MORN5: variants seen among roughly 807,000 people sequenced by gnomAD.
The protein encoded by MORN5 is MORN repeat-containing protein 5.
Under a neutral mutation model 22.1 loss-of-function variants are expected in MORN5, and 21 were observed. That is an observed-to-expected ratio of 0.95 (90% confidence interval 0.67 to 1.37). MORN5 has a LOEUF of 1.37. MORN5 is among the 40% of genes most tolerant of loss of function. The pLI, the probability that MORN5 is intolerant of heterozygous loss-of-function variation, is 0.00. For synonymous variants in MORN5, 73 were observed against 74.0 expected (o/e 0.99, Z 0.07); for missense variants, 211 against 215.1 (o/e 0.98, Z 0.12).
In MORN5 at chr9:122,175,484, C is replaced by A. The variant is rs1035678372; in HGVS notation, c.439+857C>A. ...AATAATAGAACATTTTCCTTTAATGCAGTGATTCCTAAACTTATCCTTTTC... is the reference window on the plus strand; with the variant it reads ...AATAATAGAACATTTTCCTTTAATGAAGTGATTCCTAAACTTATCCTTTTC... On this transcript the variant is annotated intron_variant, in intron 4 of 4. Coordinates refer to ENST00000373764, the MANE Select transcript of MORN5 (RefSeq NM_198469.4). 5 of 985,278 alleles carry A rather than the reference C, an allele frequency of 5.1e-6. No homozygotes were observed. The African/African-American group carries it at 8.7e-5, about 17-fold the overall frequency. The allele number at this position is 985,278 out of a possible 1,614,324, so 61.0% of individuals were successfully genotyped here.
rs201106696 is a variant in MORN5, at chr9:122,160,525, G to GT, written c.47+515dup. ...ACTAGTAGTAAAAAACAATTCAACAGTTTTTTTTTCTTTTCTTTTCCTTCC... is the reference window on the plus strand; with the variant it reads ...ACTAGTAGTAAAAAACAATTCAACAGTTTTTTTTTTCTTTTCTTTTCCTTCC... On this transcript the variant is annotated intron_variant, in intron 1 of 4. Coordinates refer to ENST00000373764, the MANE Select transcript of MORN5 (RefSeq NM_198469.4). Among the ~76,000 whole-genome samples the GT allele has an allele frequency of 4.4e-3, 668 of 151,196 alleles. 6 individuals carry two copies. Among genetic ancestry groups the GT allele is most frequent in the African/African-American group, 0.013 (546 of 41,174 alleles).
At chr9:122,170,038 CTGTAA>C (rs1829343425) in intron 3 of MORN5, among the ~76,000 whole-genome samples, 1 of 152,212 alleles carries the variant, frequency 6.6e-6, no homozygotes, top group Non-Finnish European at 1.5e-5. Context: ...GTGACTATGC[CTGTAA>C]TCCCAGCACT....
At chr9:122,177,130 G>T (rs1450964482) in intron 4 of MORN5, among the ~76,000 whole-genome samples, 1 of 152,242 alleles carries the variant, frequency 6.6e-6, no homozygotes, top group Non-Finnish European at 1.5e-5. Context: ...GGAGCTCAGA[G>T]CAGGGCTTCT....
At chr9:122,165,007 T>A (rs1829254058) in intron 1 of MORN5, among the ~76,000 whole-genome samples, 1 of 152,200 alleles carries the variant, frequency 6.6e-6, no homozygotes, top group Admixed American at 6.5e-5. Context: ...AGTCTTCCTT[T>A]AAAGAAGCTT....
intron 4 of MORN5, among the ~76,000 whole-genome samples, chr9:122,188,562 G>A (rs1020615993): frequency 6.6e-6 from 1 of 152,234 alleles, no homozygotes; most frequent in Admixed American, 6.5e-5. Context: ...CAGGGATTAG[G>A]GGCCAAAAGA....
At chr9:122,170,330 A>G (rs1829348518) in intron 3 of MORN5, among the ~76,000 whole-genome samples, 1 of 152,066 alleles carries the variant, frequency 6.6e-6, no homozygotes, top group African/African-American at 2.4e-5. Context: ...AATGGGGTCA[A>G]TAGCATCATC....
intron 3 of MORN5, among the ~76,000 whole-genome samples, chr9:122,173,449 C>A (rs1472972928): frequency 6.6e-6 from 1 of 152,150 alleles, no homozygotes; most frequent in Non-Finnish European, 1.5e-5. Context: ...GGTTTAGGAT[C>A]AGGGTCAGTG....
intron 3 of MORN5, among the ~76,000 whole-genome samples, chr9:122,169,961 G>A (rs766536398): frequency 6.6e-6 from 1 of 152,152 alleles, no homozygotes; most frequent in African/African-American, 2.4e-5. Flanking sequence ...GAGGACCATG[G>A]GCAAGGGACT....
chr9:122,167,054 C>CA, intron 2 of MORN5, 139 bp downstream of exon 2: 7 of 724,212 alleles, frequency 9.7e-6, no homozygotes, highest in Non-Finnish European at 1.2e-5. Context: ...CCACTCCCCC[C>CA]ACTTTTTTTT....
At chr9:122,162,132 A>C (rs1489338198) in intron 1 of MORN5, among the ~76,000 whole-genome samples, 3 of 152,210 alleles carry the variant, frequency 2.0e-5, no homozygotes, top group Non-Finnish European at 2.9e-5. Flanking sequence ...CTTGTTGTAC[A>C]CTTAATTAAC....
rs1449985969 is a variant in MORN5 at position 122,197,014 on chromosome 9, C to A, written c.440-2871C>A. Among the ~76,000 whole-genome samples the A allele has an allele frequency of 6.6e-6, 1 of 152,182 alleles. No individual in the cohort carries two copies. The highest frequency in any genetic ancestry group is 1.5e-5 in the Non-Finnish European group (1 of 68,034). Reference sequence around the variant, plus strand: ...ATTTGTTAAATGAATGCATATACAACAAAATAATCATTCCCTCATTTTTAG... The same window carrying A: ...ATTTGTTAAATGAATGCATATACAAAAAAATAATCATTCCCTCATTTTTAG... On this transcript the variant is annotated intron_variant, in intron 4 of 4. Coordinates refer to ENST00000373764, the MANE Select transcript of MORN5 (RefSeq NM_198469.4). The surrounding 1 kb of genome is among the most constrained non-coding windows in gnomAD (Gnocchi z 5.7).
At chr9:122,171,135 G>T (rs796400867) in intron 3 of MORN5, among the ~76,000 whole-genome samples, 1 of 152,166 alleles carries the variant, frequency 6.6e-6, no homozygotes, top group Non-Finnish European at 1.5e-5. Flanking sequence ...GGTTGACAGA[G>T]CATAGAGCCA....
At chr9:122,165,830 G>A (rs888754960) in intron 1 of MORN5, among the ~76,000 whole-genome samples, 1 of 152,106 alleles carries the variant, frequency 6.6e-6, no homozygotes, top group African/African-American at 2.4e-5. Flanking sequence ...TAGGTGCTCT[G>A]TAAATACCTG....
chr9:122,186,156 G>T (rs942963731), intron 4 of MORN5, among the ~76,000 whole-genome samples: 8 of 152,208 alleles, frequency 5.3e-5, no homozygotes, highest in Non-Finnish European at 1.2e-4. Context: ...GGGTAGGAAA[G>T]AAAGTTATGA....
chr9:122,184,249 G>A (rs1041656622), intron 4 of MORN5, among the ~76,000 whole-genome samples: 1 of 152,184 alleles, frequency 6.6e-6, no homozygotes, highest in Admixed American at 6.5e-5. Context: ...GCCTCCCCAG[G>A]TTTCCCGCTT....
chr9:122,174,354 T>G, intron 3 of MORN5, 142 bp from the exon 4 acceptor site: 4 of 894,192 alleles, frequency 4.5e-6, no homozygotes, highest in Non-Finnish European at 1.7e-6. Flanking sequence ...TGGGTTTGCT[T>G]CTTGCCCTGA....
At chr9:122,192,920 A>G (rs1829802989) in intron 4 of MORN5, among the ~76,000 whole-genome samples, 1 of 152,186 alleles carries the variant, frequency 6.6e-6, no homozygotes, top group Non-Finnish European at 1.5e-5. Context: ...CCCCAAATTT[A>G]CATTTCTTTA....
intron 4 of MORN5, among the ~76,000 whole-genome samples, chr9:122,183,227 A>G (rs553337746): frequency 2.6e-5 from 4 of 152,220 alleles, no homozygotes; most frequent in Non-Finnish European, 5.9e-5. Flanking sequence ...CTTTACCATG[A>G]TGGGAAACTG....
At chr9:122,164,542 A>G (rs980948677) in intron 1 of MORN5, 2 of 982,248 alleles carry the variant, frequency 2.0e-6, no homozygotes. Flanking sequence ...ATTCATGGAA[A>G]TAGAGAACTC....
Sources: allele counts gnomAD v4.1 joint callset (sites outside exome capture counted in the v4.1 genomes callset), GRCh38; gene constraint gnomAD v4.1.1; non-coding constraint Gnocchi (gnomAD v3.1); transcripts MANE v1.5; gene names NCBI Gene and HGNC (gene_info 2026-07-23, HGNC 2026-07-21).